The following NDUFB5 variants were observed in gnomAD, a reference collection of about 807,000 sequenced individuals.
NDUFB5 encodes the protein NADH:ubiquinone oxidoreductase subunit B5, also known as NADH dehydrogenase [ubiquinone] 1 beta subcomplex subunit 5, mitochondrial.
A neutral mutation model predicts 19.4 loss-of-function variants in NDUFB5; 19 were observed. The observed-to-expected ratio is 0.98, with a 90% CI of 0.68 to 1.43. The LOEUF is 1.43. Ranked by LOEUF, NDUFB5 falls within the 40% of genes most tolerant of loss-of-function variation. The pLI, the probability that NDUFB5 is intolerant of heterozygous loss-of-function variation, is 0.00. For missense variants in NDUFB5, 233 were observed against 236.5 expected (o/e 0.99, Z 0.10); for synonymous variants, 80 against 82.6 (o/e 0.97, Z 0.17).
chr3:179,618,626 TA>T (rs1719445812), intron 5 of NDUFB5, 105 bp downstream of exon 5: 7 of 749,382 alleles, frequency 9.3e-6, no homozygotes, highest in Non-Finnish European at 1.6e-5. Context: ...TAGGATACTT[TA>T]TGTAAAAGGA....
rs2108408166 is a variant in NDUFB5, at chr3:179,627,146, GCCA to G, written c.*3108_*3110del. 6.6e-6 allele frequency: 1 copy of G among 152,286 alleles called. No individual in the cohort carries two copies. Among genetic ancestry groups the G allele is most frequent in the East Asian group, 1.9e-4 (1 of 5,168 alleles). The allele number at this position is 152,286 out of a possible 1,614,324, so 9.4% of individuals were successfully genotyped here. On this transcript the variant is annotated 3_prime_UTR_variant, in exon 6 of 6. Coordinates refer to ENST00000259037, the MANE Select transcript of NDUFB5 (RefSeq NM_002492.4). ...AGCAAGAGAGAGAGGTGGAGGAGAT[GCCA>G]CACACTGTTTTAAACAACCAGATCT...
intron 1 of NDUFB5, among the ~76,000 whole-genome samples, chr3:179,606,047 C>T (rs576395160): frequency 3.5e-4 from 54 of 152,282 alleles, no homozygotes; most frequent in African/African-American, 1.1e-3. Context: ...CCACCTCAGC[C>T]TCCCAAAGTG....
intron 5 of NDUFB5, among the ~76,000 whole-genome samples, chr3:179,620,549 A>C (rs938193914): frequency 1.3e-5 from 2 of 152,088 alleles, no homozygotes; most frequent in Non-Finnish European, 2.9e-5. Flanking sequence ...CTGTTCCATT[A>C]GTCTATATCT....
At chr3:179,623,857 T>C in intron 5 of NDUFB5, 63 bp from the exon 6 acceptor site, 1 of 1,591,272 alleles carries the variant, frequency 6.3e-7, no homozygotes, top group Non-Finnish European at 8.6e-7. Flanking sequence ...TTTATGGAAA[T>C]GGCTCATTAA....
intron 1 of NDUFB5, among the ~76,000 whole-genome samples, chr3:179,605,663 T>C (rs966952711): frequency 1.1e-4 from 16 of 152,114 alleles, no homozygotes; most frequent in Admixed American, 5.9e-4. Flanking sequence ...TTTATGAATA[T>C]GATAACGAAT....
rs1719371823 is a variant in NDUFB5, at chr3:179,616,143, A to G, written c.280+94A>G. ...TAAAAAAGAAATTATGGATATTGTA[A>G]TGAAAAGCTCTTTAAATAATTAAGC... is the stretch of plus-strand genomic sequence containing the variant. On this transcript the variant is annotated intron_variant, in intron 3 of 5. Transcript: ENST00000259037. 5 of 887,016 alleles carry G rather than the reference A, an allele frequency of 5.6e-6. No individual in the cohort carries two copies. The South Asian group carries it at 6.3e-5, about 11-fold the overall frequency. The allele number at this position is 887,016 out of a possible 1,614,324, so 54.9% of individuals were successfully genotyped here. A position where few individuals can be genotyped will look rare whatever the true frequency, so the allele number is the denominator to read the frequency against.
At chr3:179,618,345 A>G in intron 4 of NDUFB5, 70 bp from the exon 5 acceptor site, 2 of 921,230 alleles carry the variant, frequency 2.2e-6, no homozygotes, top group Non-Finnish European at 3.4e-6. Flanking sequence ...ATCATTTTAA[A>G]GAATAGTCAA....
intron 3 of NDUFB5, 56 bp from the exon 4 acceptor site, chr3:179,616,927 A>G (rs1719394068): frequency 7.3e-7 from 1 of 1,367,028 alleles, no homozygotes; most frequent in East Asian, 2.3e-5. Flanking sequence ...ATGGTGAATA[A>G]TTAATTTTAT....
chr3:179,605,644 A>G (rs1719070798), intron 1 of NDUFB5, among the ~76,000 whole-genome samples: 1 of 151,836 alleles, frequency 6.6e-6, no homozygotes, highest in African/African-American at 2.4e-5. Context: ...TTTTAAAAAA[A>G]CCATAATGTT....
intron 5 of NDUFB5, among the ~76,000 whole-genome samples, chr3:179,619,884 C>T (rs1214031538): frequency 6.6e-6 from 1 of 152,110 alleles, no homozygotes; most frequent in Non-Finnish European, 1.5e-5. Context: ...TTTTAATGAT[C>T]ACCATTCTAA....
At chr3:179,620,072 G>A (rs1446500869) in intron 5 of NDUFB5, among the ~76,000 whole-genome samples, 16 of 151,980 alleles carry the variant, frequency 1.1e-4, no homozygotes, top group African/African-American at 3.9e-4. Context: ...AAATTTGTTT[G>A]AGTTCATTGT....
intron 1 of NDUFB5, 61 bp from the exon 2 acceptor site, chr3:179,614,910 C>T (rs754371049): frequency 6.3e-6 from 7 of 1,113,344 alleles, no homozygotes; most frequent in South Asian, 5.0e-5. Context: ...GATTTTAACT[C>T]AGAATATAAC....
chr3:179,618,608 C>T (rs193178305), intron 5 of NDUFB5, 87 bp downstream of exon 5: 7 of 863,096 alleles, frequency 8.1e-6, no homozygotes, highest in African/African-American at 5.1e-5. Context: ...ATGAATATTT[C>T]AGCACTATAG....
At chr3:179,617,147 GT>G (rs548209603) in intron 4 of NDUFB5, 103 bp downstream of exon 4, 84 of 900,916 alleles carry the variant, frequency 9.3e-5, no homozygotes, top group Admixed American at 1.9e-4. Context: ...TTTTTGTTTT[GT>G]TTTTTTTGAG....
chr3:179,618,323 C>G, intron 4 of NDUFB5, 92 bp from the exon 5 acceptor site: 1 of 739,742 alleles, frequency 1.4e-6, no homozygotes. Context: ...ACTGGTTTAT[C>G]TAACTGAAAT....
At chr3:179,612,733 C>T (rs775863670) in intron 1 of NDUFB5, among the ~76,000 whole-genome samples, 21 of 151,946 alleles carry the variant, frequency 1.4e-4, no homozygotes, top group African/African-American at 7.3e-5. Context: ...GCCTCGGCCT[C>T]CCAAAGTGCT....
At chr3:179,622,029 G>A (rs747770280) in intron 5 of NDUFB5, among the ~76,000 whole-genome samples, 9 of 151,924 alleles carry the variant, frequency 5.9e-5, no homozygotes, top group Non-Finnish European at 1.3e-4. Flanking sequence ...GTGCAGTGTT[G>A]CAGTCATGGC....
At chr3:179,618,844 C>T (rs2108401467) in intron 5 of NDUFB5, among the ~76,000 whole-genome samples, 2 of 151,608 alleles carry the variant, frequency 1.3e-5, no homozygotes, top group Middle Eastern at 6.9e-3. Flanking sequence ...GTGTGAGACT[C>T]CGTCTCCAAA....
rs563798868 is a variant in NDUFB5 at position 179,606,676 on chromosome 3, T to C, written c.124+1737T>C. 3.9e-5 allele frequency among the ~76,000 whole-genome samples: 6 copies of C among 152,370 alleles called. No individual in the cohort carries two copies. The South Asian group carries it at 1.2e-3, about 32-fold the overall frequency. On this transcript the variant is annotated intron_variant, in intron 1 of 5. Transcript: ENST00000259037. The stretch of plus-strand genomic sequence containing the variant: ...TAAGGGTTTAAAGTATTAATTTATT[T>C]AATCCTCTTCATTAGATATATACTG...
Sources: allele counts gnomAD v4.1 joint callset (sites outside exome capture counted in the v4.1 genomes callset), GRCh38; gene constraint gnomAD v4.1.1; transcripts MANE v1.5; gene names NCBI Gene and HGNC (gene_info 2026-07-23, HGNC 2026-07-21).